The following CDH13 variants were observed in gnomAD, a reference collection of about 807,000 sequenced individuals.
CDH13 encodes cadherin-13.
CDH13 carries 24 observed loss-of-function variants against 63.8 expected under a neutral mutation model. The ratio of observed to expected loss-of-function variants is 0.38; its 90% confidence interval spans 0.27 to 0.53. The LOEUF is 0.53. Among genes scored for constraint, CDH13 ranks in the 20% least tolerant of loss-of-function variants. The pLI, the probability that CDH13 is intolerant of heterozygous loss-of-function variation, is 0.85. For missense variants in CDH13, 1,049 were observed against 903.1 expected (o/e 1.16, Z -2.07); for synonymous variants, 503 against 355.3 (o/e 1.42, Z -4.67).
intron 5 of CDH13, among the ~76,000 whole-genome samples, chr16:83,321,507 A>T (rs2090223434): frequency 6.6e-6 from 1 of 150,874 alleles, no homozygotes. Context: ...TTTTTTCTGG[A>T]AAATATGGAA....
At chr16:82,713,247 C>G (rs541173632) in intron 1 of CDH13, among the ~76,000 whole-genome samples, 1 of 152,128 alleles carries the variant, frequency 6.6e-6, no homozygotes, top group South Asian at 2.1e-4. Flanking sequence ...AAGCAGGGTT[C>G]CTGGGTATGA....
At chr16:83,622,399 AC>A (rs1909898694) in intron 8 of CDH13, among the ~76,000 whole-genome samples, 1 of 152,174 alleles carries the variant, frequency 6.6e-6, no homozygotes, top group Non-Finnish European at 1.5e-5. Context: ...CCCCCAAAAG[AC>A]CAGCCTTCAT....
At chr16:83,779,542 G>T (rs1314418743) in intron 11 of CDH13, among the ~76,000 whole-genome samples, 2 of 151,452 alleles carry the variant, frequency 1.3e-5, no homozygotes, top group African/African-American at 2.4e-5. Flanking sequence ...TGAGAAATGG[G>T]CTGGGCATGG....
At chr16:83,611,069 A>C (rs966170951) in intron 8 of CDH13, among the ~76,000 whole-genome samples, 1 of 152,184 alleles carries the variant, frequency 6.6e-6, no homozygotes, top group Non-Finnish European at 1.5e-5. Context: ...ACCATCTTCC[A>C]TCCACTGGCT....
In CDH13 at chr16:83,102,017, C is replaced by T. The variant is rs139296243; in HGVS notation, c.367-23368C>T. Reference sequence around the variant, plus strand: ...AGGATTTTGGATTATGTTGATGGGTCCAATGTTATCACCAGGGTCCTTATG... The same window carrying T: ...AGGATTTTGGATTATGTTGATGGGTTCAATGTTATCACCAGGGTCCTTATG... On this transcript the variant is annotated intron_variant, in intron 3 of 13. Coordinates refer to ENST00000567109, the MANE Select transcript of CDH13 (RefSeq NM_001257.5). 2.6e-5 allele frequency among the ~76,000 whole-genome samples: 4 copies of T among 152,232 alleles called. No homozygotes were observed. The East Asian group carries it at 7.7e-4, about 29-fold the overall frequency.
chr16:82,712,265 C>A (rs1258169906), intron 1 of CDH13, among the ~76,000 whole-genome samples: 1 of 152,032 alleles, frequency 6.6e-6, no homozygotes, highest in Non-Finnish European at 1.5e-5. Context: ...TAGTTAAAGG[C>A]TGGTGTAATT....
intron 7 of CDH13, among the ~76,000 whole-genome samples, chr16:83,491,845 T>C (rs1432019009): frequency 6.6e-6 from 1 of 152,064 alleles, no homozygotes; most frequent in Non-Finnish European, 1.5e-5. Context: ...TAACGCACTT[T>C]CTGAAACTTT....
At chr16:83,025,031 G>T (rs927342182) in intron 2 of CDH13, among the ~76,000 whole-genome samples, 1 of 152,300 alleles carries the variant, frequency 6.6e-6, no homozygotes, top group Non-Finnish European at 1.5e-5. Context: ...AATGACAGAG[G>T]AGGAGGTAGA....
At chr16:83,474,201 T>C (rs568279350) in intron 6 of CDH13, among the ~76,000 whole-genome samples, 13 of 152,184 alleles carry the variant, frequency 8.5e-5, no homozygotes, top group East Asian at 7.7e-4. Flanking sequence ...TCCTCCTCCA[T>C]GGAATTACTG....
At chr16:83,042,092 C>A (rs1244020258) in intron 3 of CDH13, among the ~76,000 whole-genome samples, 1 of 152,146 alleles carries the variant, frequency 6.6e-6, no homozygotes, top group African/African-American at 2.4e-5. Context: ...GGCCATGATG[C>A]CATCTAACCT....
chr16:83,202,237 G>A (rs145831284), intron 4 of CDH13, among the ~76,000 whole-genome samples: 73 of 152,254 alleles, frequency 4.8e-4, no homozygotes, highest in Non-Finnish European at 5.0e-4. Flanking sequence ...AGGGCAGCCC[G>A]GGACTGACAT....
chr16:83,449,141 G>C (rs1319556541), intron 6 of CDH13, among the ~76,000 whole-genome samples: 1 of 152,064 alleles, frequency 6.6e-6, no homozygotes, highest in Non-Finnish European at 1.5e-5. Flanking sequence ...CATTCCTCTG[G>C]ACAAAATAAA....
chr16:83,302,578 C>A (rs752664545), intron 5 of CDH13, among the ~76,000 whole-genome samples: 4 of 152,174 alleles, frequency 2.6e-5, no homozygotes, highest in Non-Finnish European at 4.4e-5. Context: ...TCAACAAAGT[C>A]AATTTTGGGA....
chr16:82,803,434 T>C (rs978956636), intron 1 of CDH13, among the ~76,000 whole-genome samples: 5 of 151,992 alleles, frequency 3.3e-5, no homozygotes, highest in African/African-American at 1.2e-4. Context: ...AATGATTATT[T>C]AGAATCTCTG....
At chr16:82,924,972 A>G (rs911362465) in intron 2 of CDH13, among the ~76,000 whole-genome samples, 2 of 152,174 alleles carry the variant, frequency 1.3e-5, no homozygotes, top group East Asian at 1.9e-4. Flanking sequence ...AAAACTTCGC[A>G]TGAGACTTTA....
chr16:83,102,033 G>T (rs763362148), intron 3 of CDH13, among the ~76,000 whole-genome samples: 2 of 152,148 alleles, frequency 1.3e-5, no homozygotes, highest in Non-Finnish European at 2.9e-5. Flanking sequence ...TTATCACCAG[G>T]GTCCTTATGA....
chr16:83,407,339 T>C (rs1165759366), intron 6 of CDH13, among the ~76,000 whole-genome samples: 1 of 152,248 alleles, frequency 6.6e-6, no homozygotes, highest in Non-Finnish European at 1.5e-5. Context: ...ATCGATTTTC[T>C]ATATGTTTAT....
At position 82,917,775 on chromosome 16, in the gene CDH13, C is replaced by T. The variant is rs987829689; in HGVS notation, c.157+59302C>T. On this transcript the variant is annotated intron_variant, in intron 2 of 13. Coordinates refer to ENST00000567109, the MANE Select transcript of CDH13 (RefSeq NM_001257.5). ...AAAAACACCCAAAAAATTAGCCAGG[C>T]TTGGTGGCTGGCGCCTGTTATCTCA... Among the ~76,000 whole-genome samples the T allele has an allele frequency of 2.0e-5, 3 of 151,912 alleles. No individual in the cohort carries two copies. The South Asian group carries it at 6.2e-4, about 32-fold the overall frequency.
At chr16:83,470,464 G>T (rs1258386800) in intron 6 of CDH13, among the ~76,000 whole-genome samples, 1 of 152,088 alleles carries the variant, frequency 6.6e-6, no homozygotes. Flanking sequence ...TTTGATCTTG[G>T]TTTTTTCCTT....
Sources: allele counts gnomAD v4.1 joint callset (sites outside exome capture counted in the v4.1 genomes callset), GRCh38; gene constraint gnomAD v4.1.1; transcripts MANE v1.5; gene names NCBI Gene and HGNC (gene_info 2026-07-23, HGNC 2026-07-21).